ZFHX3: variants seen among roughly 807,000 people sequenced by gnomAD.
ZFHX3 encodes the protein zinc finger homeobox 3.
ZFHX3 carries 42 observed loss-of-function variants against 279.1 expected under a neutral mutation model. The ratio of observed to expected loss-of-function variants is 0.15; its 90% CI spans 0.12 to 0.19. The LOEUF is 0.19. Among genes scored for constraint, ZFHX3 ranks in the 10% least tolerant of loss-of-function variants. The pLI is 1.00. For synonymous variants in ZFHX3, 2,293 were observed against 1,957.8 expected, an observed-to-expected ratio of 1.17 and a Z score of -4.52; for missense variants, 4,981 against 4,754.0, an observed-to-expected ratio of 1.05 and a Z score of -1.40.
Position 72,783,190 on chromosome 16 carries a change from GTTT to G in ZFHX3, c.*3971_*3973del, listed in dbSNP as rs1002017330. 6.7e-6 allele frequency: 1 copy of G among 149,180 alleles called. No individual in the cohort carries two copies. The highest frequency in any genetic ancestry group is 6.7e-5 in the Admixed American group (1 of 14,942). 9.2% of individuals were successfully genotyped at this position (149,180 alleles called of 1,614,324 possible). A position where few individuals can be genotyped will look rare whatever the true frequency, so the allele number is the denominator to read the frequency against. ...TGCTCTATTTTTTTTGTTGTTTTTT[GTTT>G]TTTTTTCTTTTTGTACATTGCAAAG... On this transcript the variant is annotated 3_prime_UTR_variant, in exon 10 of 10. Coordinates refer to ENST00000268489, the MANE Select transcript of ZFHX3 (RefSeq NM_006885.4).
intron 5 of ZFHX3, among the ~76,000 whole-genome samples, chr16:73,205,266 AG>A (rs1464839303): frequency 6.6e-6 from 1 of 152,194 alleles, no homozygotes; most frequent in African/African-American, 2.4e-5. Context: ...CTAATAAAAA[AG>A]CCTAGGACAT....
At chr16:73,530,917 C>A (rs915862539) in intron 2 of ZFHX3, among the ~76,000 whole-genome samples, 25 of 152,198 alleles carry the variant, frequency 1.6e-4, no homozygotes, top group African/African-American at 6.0e-4. Flanking sequence ...GCTAAACATC[C>A]AGTTGCCAGC....
At chr16:73,602,936 TC>T (rs1567530688) in intron 2 of ZFHX3, among the ~76,000 whole-genome samples, 7 of 17,186 alleles carry the variant, frequency 4.1e-4, no homozygotes, top group Admixed American at 1.3e-3. Context: ...AGACTCTGAC[TC>T]AAAAAAAAAA....
intron 5 of ZFHX3, among the ~76,000 whole-genome samples, chr16:73,180,634 G>A (rs972409057): frequency 6.6e-6 from 1 of 152,060 alleles, no homozygotes; most frequent in African/African-American, 2.4e-5. Flanking sequence ...TAGTCCCTCA[G>A]TGTGTATCAC....
chr16:73,844,549 T>C (rs1246302721), intron 1 of ZFHX3, among the ~76,000 whole-genome samples: 1 of 151,956 alleles, frequency 6.6e-6, no homozygotes, highest in Non-Finnish European at 1.5e-5. Flanking sequence ...TTATTATTAG[T>C]CCCATTTTAT....
intron 2 of ZFHX3, among the ~76,000 whole-genome samples, chr16:73,537,311 CTTCTT>C (rs1270249761): frequency 8.8e-6 from 1 of 113,074 alleles, no homozygotes; most frequent in African/African-American, 3.1e-5. Context: ...CTTCTTTCTT[CTTCTT>C]TTTTTTTTTT....
intron 1 of ZFHX3, among the ~76,000 whole-genome samples, chr16:73,041,742 C>T (rs914541019): frequency 1.3e-5 from 2 of 152,092 alleles, no homozygotes; most frequent in Non-Finnish European, 1.5e-5. Flanking sequence ...CACTTTAACG[C>T]TGATGCAGAT....
chr16:73,603,660 G>T (rs980096991), intron 2 of ZFHX3, among the ~76,000 whole-genome samples: 6 of 151,340 alleles, frequency 4.0e-5, no homozygotes, highest in African/African-American at 1.5e-4. Flanking sequence ...ACACACAAAA[G>T]TCAGTTACAT....
intron 3 of ZFHX3, among the ~76,000 whole-genome samples, chr16:73,343,653 G>C (rs908385025): frequency 6.6e-6 from 1 of 152,142 alleles, no homozygotes; most frequent in Non-Finnish European, 1.5e-5. Context: ...TTGAGCCCAG[G>C]AGTTAACGTG....
chr16:73,708,812 A>G (rs1312942850), intron 1 of ZFHX3, among the ~76,000 whole-genome samples: 1 of 152,178 alleles, frequency 6.6e-6, no homozygotes, highest in Admixed American at 6.5e-5. Flanking sequence ...CGGGGGATGT[A>G]GGTAACTTAG....
intron 1 of ZFHX3, among the ~76,000 whole-genome samples, chr16:73,884,217 A>C (rs569653909): frequency 5.5e-4 from 83 of 152,270 alleles, no homozygotes; most frequent in African/African-American, 1.9e-3. Context: ...ACAAAGGGGC[A>C]ATTATGATTT....
intron 1 of ZFHX3, among the ~76,000 whole-genome samples, chr16:73,043,114 G>A (rs1285501264): frequency 6.6e-6 from 1 of 152,118 alleles, no homozygotes; most frequent in Admixed American, 6.5e-5. Context: ...ACTCCAGGGA[G>A]GGAAAAGGAT....
chr16:72,789,029 C>A (rs1317599844), intron 9 of ZFHX3, 181 bp from the exon 10 acceptor site: 1 of 726,488 alleles, frequency 1.4e-6, no homozygotes, highest in Admixed American at 3.6e-5. Flanking sequence ...ACCTTGTATT[C>A]TAATGAGGAC....
chr16:72,869,996 T>C (rs1458715823), intron 4 of ZFHX3, among the ~76,000 whole-genome samples: 2 of 152,180 alleles, frequency 1.3e-5, no homozygotes. Flanking sequence ...CTGATTCTAA[T>C]CATAAGGAAG....
At chr16:72,854,445 CT>C (rs2037698590) in intron 4 of ZFHX3, among the ~76,000 whole-genome samples, 1 of 152,090 alleles carries the variant, frequency 6.6e-6, no homozygotes. Flanking sequence ...AGAGGGAAGG[CT>C]TAAAGAATGG....
chr16:72,807,503 T>C (rs1024218559), intron 7 of ZFHX3: 13 of 152,176 alleles, frequency 8.5e-5, no homozygotes, highest in Non-Finnish European at 1.9e-4. Flanking sequence ...GCTGTTACCA[T>C]AGCAACAGAC....
chr16:73,538,875 G>C (rs752455938), intron 2 of ZFHX3, among the ~76,000 whole-genome samples: 1 of 152,166 alleles, frequency 6.6e-6, no homozygotes, highest in African/African-American at 2.4e-5. Flanking sequence ...CAGTGCAAAC[G>C]ATACAGACTG....
chr16:73,247,325 G>A (rs541758395), intron 5 of ZFHX3, among the ~76,000 whole-genome samples: 183 of 149,444 alleles, frequency 1.2e-3, no homozygotes, highest in African/African-American at 4.3e-3. Context: ...TGTTTGTGTA[G>A]GTGTGTGTAT....
rs1236481839 is a variant in ZFHX3 at position 72,788,829 on chromosome 16, C to T, written c.9447G>A (p.Pro3149=). 1.3e-5 allele frequency: 20 copies of T among 1,522,342 alleles called. No individual in the cohort carries two copies. The highest frequency in any genetic ancestry group is 2.3e-5 in the East Asian group (1 of 44,182). 94.3% of individuals were successfully genotyped at this position (1,522,342 alleles called of 1,614,324 possible). ...PSNTALTSPK[P]NLMGLPSTTV... is the part of the protein sequence containing the mutation. ...TTGTGCTGGGCAGACCCATCAAGTT[C>T]GGCTTAGGAGACGTTAAAGCTGAAA... Residue 3149 remains proline (P), a synonymous_variant, in exon 10 of 10, where the codon CCG becomes CCA. Transcript: ENST00000268489.
Sources: allele counts gnomAD v4.1 joint callset (sites outside exome capture counted in the v4.1 genomes callset), GRCh38; gene constraint gnomAD v4.1.1; transcripts MANE v1.5; gene names NCBI Gene and HGNC (gene_info 2026-07-23, HGNC 2026-07-21).